Variants in HDAC9 observed in about 807,000 individuals in gnomAD.
HDAC9 encodes the protein histone deacetylase 9.
HDAC9 carries 41 observed loss-of-function variants against 139.4 expected under a neutral mutation model. That is an observed-to-expected ratio of 0.29 (90% confidence interval 0.23 to 0.38). HDAC9 has a LOEUF of 0.38. Among genes scored for constraint, HDAC9 ranks in the 10% least tolerant of loss-of-function variants. The pLI is 1.00. For missense variants in HDAC9, 1,147 were observed against 1,297.0 expected, an observed-to-expected ratio of 0.88 and a Z score of 1.78; for synonymous variants, 517 against 476.2, an observed-to-expected ratio of 1.09 and a Z score of -1.12.
At chr7:18,941,748 G>A (rs899458648) in intron 23 of HDAC9, among the ~76,000 whole-genome samples, 1 of 152,018 alleles carries the variant, frequency 6.6e-6, no homozygotes, top group Non-Finnish European at 1.5e-5. Flanking sequence ...AGAATGTGTG[G>A]GTAATCTAAA....
intron 7 of HDAC9, among the ~76,000 whole-genome samples, chr7:18,631,349 T>C (rs899521179): frequency 6.6e-6 from 1 of 152,104 alleles, no homozygotes; most frequent in African/African-American, 2.4e-5. Context: ...TTGGTAGATA[T>C]TTTTAACTGG....
At chr7:18,106,447 A>C (rs971165598) in intron 1 of HDAC9, among the ~76,000 whole-genome samples, 1 of 150,538 alleles carries the variant, frequency 6.6e-6, no homozygotes. Flanking sequence ...CTTATTATCC[A>C]TGCACACATT....
chr7:18,651,874 A>G (rs1789395856), intron 11 of HDAC9, among the ~76,000 whole-genome samples: 1 of 152,096 alleles, frequency 6.6e-6, no homozygotes, highest in African/African-American at 2.4e-5. Context: ...TATAGTATTT[A>G]TACTGTTATA....
At chr7:18,809,835 G>A (rs1379036222) in intron 17 of HDAC9, among the ~76,000 whole-genome samples, 1 of 151,836 alleles carries the variant, frequency 6.6e-6, no homozygotes, top group East Asian at 1.9e-4. Flanking sequence ...ATTAAAAATA[G>A]AACTGCCATA....
intron 8 of HDAC9, among the ~76,000 whole-genome samples, chr7:18,638,871 G>A (rs927732304): frequency 6.6e-6 from 1 of 151,750 alleles, no homozygotes; most frequent in Non-Finnish European, 1.5e-5. Flanking sequence ...AAACCTCAGG[G>A]GTTTCTATTT....
intron 12 of HDAC9, among the ~76,000 whole-genome samples, chr7:18,687,436 T>C (rs1037111288): frequency 2.0e-5 from 3 of 151,910 alleles, no homozygotes; most frequent in African/African-American, 7.2e-5. Flanking sequence ...TTTTATGTTA[T>C]AATTGATACT....
At chr7:18,343,451 A>G (rs1287577083) in intron 1 of HDAC9, among the ~76,000 whole-genome samples, 1 of 151,908 alleles carries the variant, frequency 6.6e-6, no homozygotes, top group Non-Finnish European at 1.5e-5. Flanking sequence ...CATATTTCAA[A>G]TCATCATAGA....
intron 7 of HDAC9, 98 bp downstream of exon 7, chr7:18,629,579 G>A: frequency 8.5e-7 from 1 of 1,179,128 alleles, no homozygotes; most frequent in South Asian, 1.8e-5. Context: ...AAGTTATTTT[G>A]AGAAGAAATA....
intron 1 of HDAC9, among the ~76,000 whole-genome samples, chr7:18,473,143 A>C (rs1194804564): frequency 6.6e-6 from 1 of 152,240 alleles, no homozygotes; most frequent in Admixed American, 6.5e-5. Flanking sequence ...AGGGATCGCC[A>C]GCATTACTTA....
chr7:18,369,711 A>T (rs1382060472), intron 1 of HDAC9, among the ~76,000 whole-genome samples: 2 of 152,070 alleles, frequency 1.3e-5, no homozygotes, highest in Non-Finnish European at 2.9e-5. Context: ...TGTCAGAAAC[A>T]GTGTTTCAAG....
intron 1 of HDAC9, among the ~76,000 whole-genome samples, chr7:18,332,714 A>C (rs1447259834): frequency 6.6e-6 from 1 of 151,576 alleles, no homozygotes; most frequent in African/African-American, 2.4e-5. Flanking sequence ...TAAATAGTTG[A>C]AAAATACTAC....
intron 8 of HDAC9, among the ~76,000 whole-genome samples, chr7:18,640,736 G>A (rs1053220923): frequency 6.6e-6 from 1 of 152,000 alleles, no homozygotes; most frequent in Non-Finnish European, 1.5e-5. Context: ...CACTAAGCCT[G>A]TGTTTTTACA....
At chr7:18,757,842 G>A (rs1284387668) in intron 14 of HDAC9, among the ~76,000 whole-genome samples, 1 of 152,022 alleles carries the variant, frequency 6.6e-6, no homozygotes, top group Admixed American at 6.6e-5. Flanking sequence ...TGCATTAACG[G>A]GCTCTCTTTC....
intron 1 of HDAC9, among the ~76,000 whole-genome samples, chr7:18,143,055 C>T (rs1584298953): frequency 6.6e-6 from 1 of 152,136 alleles, no homozygotes; most frequent in African/African-American, 2.4e-5. Flanking sequence ...TTATAGTAAC[C>T]TGGGTGAGAT....
At chr7:18,177,830 A>G (rs1411183461) in intron 2 of HDAC9, among the ~76,000 whole-genome samples, 2 of 152,190 alleles carry the variant, frequency 1.3e-5, no homozygotes, top group African/African-American at 4.8e-5. Flanking sequence ...AAGGAGCCAA[A>G]TAAGTGAAGA....
intron 21 of HDAC9, among the ~76,000 whole-genome samples, chr7:18,865,792 G>A (rs1798448151): frequency 1.3e-5 from 2 of 151,930 alleles, no homozygotes. Flanking sequence ...GTGCATTTTT[G>A]TTTTTGCCAG....
chr7:18,465,838 A>T (rs183553941), intron 1 of HDAC9, among the ~76,000 whole-genome samples: 39 of 151,718 alleles, frequency 2.6e-4, no homozygotes, highest in East Asian at 1.9e-3. Flanking sequence ...CCAGTGATGG[A>T]CTCTCTTTCT....
chr7:18,711,625 C>G (rs1784351577), intron 12 of HDAC9, among the ~76,000 whole-genome samples: 1 of 152,164 alleles, frequency 6.6e-6, no homozygotes, highest in South Asian at 2.1e-4. Flanking sequence ...CTTGGGGTTG[C>G]TGCTTCACAG....
chr7:18,721,762 A>G (rs768552535), intron 12 of HDAC9, among the ~76,000 whole-genome samples: 23 of 152,328 alleles, frequency 1.5e-4, no homozygotes, highest in Middle Eastern at 3.4e-3. Context: ...ACAAAACAGA[A>G]AAAAATCTGT....
Sources: gnomAD v4.1 joint callset for allele counts (sites outside exome capture counted in the v4.1 genomes callset) on GRCh38, gnomAD v4.1.1 for gene constraint, MANE v1.5 for transcripts, NCBI Gene and HGNC (gene_info 2026-07-23, HGNC 2026-07-21) for gene names.